Variants in PDE10A observed in about 807,000 individuals in gnomAD.
PDE10A encodes phosphodiesterase 10A.
A neutral mutation model predicts 97.7 loss-of-function variants in PDE10A; 39 were observed. The ratio of observed to expected loss-of-function variants is 0.40; its 90% CI spans 0.31 to 0.52. The LOEUF is 0.52. PDE10A is among the 20% of genes least tolerant of loss of function. The pLI is 0.56. For synonymous variants in PDE10A, 371 were observed against 376.8 expected, an observed-to-expected ratio of 0.98 and a Z score of 0.18; for missense variants, 731 against 1,047.8, an observed-to-expected ratio of 0.70 and a Z score of 4.17.
chr6:165,733,893 T>G (rs1792499997), intron 1 of PDE10A, among the ~76,000 whole-genome samples: 1 of 151,992 alleles, frequency 6.6e-6, no homozygotes, highest in South Asian at 2.1e-4. Context: ...AACTGGGCCT[T>G]TTGGTCAATA....
intron 1 of PDE10A, among the ~76,000 whole-genome samples, chr6:165,868,346 C>T (rs1321009705): frequency 6.6e-6 from 1 of 151,786 alleles, no homozygotes; most frequent in Non-Finnish European, 1.5e-5. Flanking sequence ...CAATTGATAC[C>T]ACAGAAATGC....
At chr6:165,847,413 A>T (rs1270106343) in intron 1 of PDE10A, among the ~76,000 whole-genome samples, 12 of 152,244 alleles carry the variant, frequency 7.9e-5, no homozygotes, top group African/African-American at 2.7e-4. Flanking sequence ...ATTTCTCTGC[A>T]TTGTTTAACA....
rs369449902 is a variant in PDE10A, at chr6:165,609,372, G to C, written c.865+52575C>G. Reference sequence around the variant, plus strand: ...TGGGACATCTCTCAAAATAATAACAGCTATTTATGACAAACCACAGCCAAT... The same window carrying C: ...TGGGACATCTCTCAAAATAATAACACCTATTTATGACAAACCACAGCCAAT... On this transcript the variant is annotated intron_variant, in intron 1 of 21. Coordinates refer to ENST00000539869, the MANE Select transcript of PDE10A (RefSeq NM_001385079.1). Among the ~76,000 whole-genome samples the C allele has an allele frequency of 1.4e-4, 22 of 152,100 alleles. No homozygotes were observed. The East Asian group carries it at 1.5e-3, about 11-fold the overall frequency.
chr6:165,445,167 T>C (rs973507681), intron 5 of PDE10A, among the ~76,000 whole-genome samples: 2 of 152,222 alleles, frequency 1.3e-5, no homozygotes, highest in African/African-American at 4.8e-5. Context: ...TAATTTAATA[T>C]GGTTATATTT....
chr6:165,433,447 T>C (rs1339959607), intron 6 of PDE10A, among the ~76,000 whole-genome samples: 1 of 152,218 alleles, frequency 6.6e-6, no homozygotes, highest in Admixed American at 6.5e-5. Flanking sequence ...TCGTCTTCTA[T>C]GTGCCGGAAC....
In PDE10A at chr6:165,716,597, A is replaced by G. The variant is rs555173184; in HGVS notation, c.-614-173029T>C. ...TGTTTGAGAAGAGCAGAGTGATGAC[A>G]ACATTTGGATGAAGGATTAAGGGTG... On this transcript the variant is annotated intron_variant, in intron 1 of 19. Transcript: ENST00000366882. Among the ~76,000 whole-genome samples the G allele has an allele frequency of 2.0e-5, 3 of 152,336 alleles. No homozygotes were observed. In the East Asian group the frequency reaches 5.8e-4, roughly 29 times the overall value.
chr6:165,845,466 C>A (rs150592333), intron 1 of PDE10A, among the ~76,000 whole-genome samples: 211 of 152,290 alleles, frequency 1.4e-3, no homozygotes, highest in African/African-American at 4.7e-3. Flanking sequence ...CAGAACTCCA[C>A]AAACCACATT....
At chr6:165,981,004 A>C (rs889351828) in intron 1 of PDE10A, among the ~76,000 whole-genome samples, 1 of 152,152 alleles carries the variant, frequency 6.6e-6, no homozygotes, top group African/African-American at 2.4e-5. Context: ...AAGTGACAGG[A>C]GGTGGCATTG....
At chr6:165,736,863 C>G (rs922257079) in intron 1 of PDE10A, among the ~76,000 whole-genome samples, 10 of 151,992 alleles carry the variant, frequency 6.6e-5, no homozygotes, top group Non-Finnish European at 1.0e-4. Context: ...ATCAATGGAT[C>G]TAAGAGTTAG....
chr6:165,839,861 C>G (rs867115404), intron 1 of PDE10A, among the ~76,000 whole-genome samples: 5 of 70,394 alleles, frequency 7.1e-5, no homozygotes, highest in Admixed American at 3.2e-4. Context: ...CCATCCCTGT[C>G]TCCATTCCCA....
intron 3 of PDE10A, among the ~76,000 whole-genome samples, chr6:165,463,786 G>T (rs1778470173): frequency 6.6e-6 from 1 of 152,218 alleles, no homozygotes; most frequent in African/African-American, 2.4e-5. Flanking sequence ...GGGAGGTTGT[G>T]GGTTTACCGG....
intron 1 of PDE10A, among the ~76,000 whole-genome samples, chr6:165,603,091 T>A (rs1344703815): frequency 6.6e-6 from 1 of 152,238 alleles, no homozygotes; most frequent in South Asian, 2.1e-4. Context: ...TAGTTACTAA[T>A]GATGCACCTC....
intron 1 of PDE10A, among the ~76,000 whole-genome samples, chr6:165,967,339 A>T (rs1583366444): frequency 6.6e-6 from 1 of 152,284 alleles, no homozygotes; most frequent in East Asian, 1.9e-4. Context: ...TCTACTAAAA[A>T]TACAAACATT....
intron 2 of PDE10A, among the ~76,000 whole-genome samples, chr6:165,487,970 G>A (rs962303412): frequency 7.7e-5 from 9 of 117,000 alleles, no homozygotes; most frequent in African/African-American, 2.9e-4. Context: ...GAGGAACATG[G>A]AAAAGAAGAA....
At chr6:165,796,275 A>T (rs1430684957) in intron 1 of PDE10A, among the ~76,000 whole-genome samples, 1 of 151,566 alleles carries the variant, frequency 6.6e-6, no homozygotes, top group African/African-American at 2.4e-5. Flanking sequence ...TTTTGTAGAG[A>T]TGGGGTTTCA....
chr6:165,657,311 T>C (rs973064069), intron 1 of PDE10A, among the ~76,000 whole-genome samples: 3 of 152,236 alleles, frequency 2.0e-5, no homozygotes, highest in South Asian at 4.1e-4. Flanking sequence ...ACTGTGGAGT[T>C]TTCCTTTAGA....
chr6:165,599,069 A>G (rs1302008828), intron 1 of PDE10A, among the ~76,000 whole-genome samples: 1 of 152,204 alleles, frequency 6.6e-6, no homozygotes, highest in Non-Finnish European at 1.5e-5. Flanking sequence ...ATATATTCTA[A>G]TCTATCTCCC....
At chr6:165,707,298 G>A (rs1470030116) in intron 1 of PDE10A, among the ~76,000 whole-genome samples, 1 of 152,176 alleles carries the variant, frequency 6.6e-6, no homozygotes, top group Non-Finnish European at 1.5e-5. Flanking sequence ...CCTCTGCTCA[G>A]AACCACGGGC....
At chr6:165,597,459 G>C (rs1562615760) in intron 1 of PDE10A, among the ~76,000 whole-genome samples, 1 of 152,166 alleles carries the variant, frequency 6.6e-6, no homozygotes, top group Non-Finnish European at 1.5e-5. Flanking sequence ...TTACACCCAA[G>C]CATTTTCCTA....
Sources: allele counts gnomAD v4.1 joint callset (sites outside exome capture counted in the v4.1 genomes callset), GRCh38; gene constraint gnomAD v4.1.1; transcripts MANE v1.5; gene names NCBI Gene and HGNC (gene_info 2026-07-23, HGNC 2026-07-21).